SLC35F3: variants seen among roughly 807,000 people sequenced by gnomAD.
The protein encoded by SLC35F3 is putative thiamine transporter SLC35F3.
SLC35F3 carries 25 observed loss-of-function variants against 49.9 expected under a neutral mutation model. The observed-to-expected ratio is 0.50, with a 90% CI of 0.37 to 0.70. The LOEUF is 0.70. SLC35F3 is among the 30% of genes least tolerant of loss of function. The pLI is 0.00. For missense variants in SLC35F3, 525 were observed against 639.8 expected (o/e 0.82, Z 1.94); for synonymous variants, 275 against 265.4 (o/e 1.04, Z -0.35).
chr1:233,917,406 A>G (rs1661990523), intron 2 of SLC35F3, among the ~76,000 whole-genome samples: 1 of 152,030 alleles, frequency 6.6e-6, no homozygotes, highest in South Asian at 2.1e-4. Context: ...CAGAGTTCTA[A>G]TTTGTTCATT....
intron 3 of SLC35F3, among the ~76,000 whole-genome samples, chr1:234,290,874 T>G (rs541189439): frequency 6.6e-6 from 1 of 152,080 alleles, no homozygotes; most frequent in Admixed American, 6.5e-5. Context: ...ATAACTCACC[T>G]TTTTTTTCCT....
intron 2 of SLC35F3, among the ~76,000 whole-genome samples, chr1:234,037,618 T>G (rs1664162906): frequency 1.3e-5 from 2 of 152,122 alleles, no homozygotes; most frequent in African/African-American, 4.8e-5. Flanking sequence ...GAACGTCAGG[T>G]AGGTATGGAA....
chr1:234,021,491 A>C (rs1445148009), intron 2 of SLC35F3, among the ~76,000 whole-genome samples: 1 of 152,208 alleles, frequency 6.6e-6, no homozygotes. Flanking sequence ...TTAAATGATT[A>C]CTCATTGCTT....
chr1:233,993,853 C>A (rs980065659), intron 2 of SLC35F3, among the ~76,000 whole-genome samples: 1 of 152,176 alleles, frequency 6.6e-6, no homozygotes, highest in African/African-American at 2.4e-5. Flanking sequence ...AAACCATGGT[C>A]CCTAATTGTA....
intron 2 of SLC35F3, among the ~76,000 whole-genome samples, chr1:234,196,031 G>T (rs1339858813): frequency 6.6e-6 from 1 of 152,058 alleles, no homozygotes; most frequent in African/African-American, 2.4e-5. Flanking sequence ...GTTTTTATCA[G>T]CAGTGTGGAA....
intron 7 of SLC35F3, among the ~76,000 whole-genome samples, chr1:234,322,389 T>G (rs1247986698): frequency 1.3e-5 from 2 of 152,162 alleles, no homozygotes; most frequent in Admixed American, 6.5e-5. Flanking sequence ...GTGTTATGTA[T>G]TGTACTCTTA....
intron 3 of SLC35F3, among the ~76,000 whole-genome samples, chr1:234,297,975 AAC>A (rs752526234): frequency 1.3e-5 from 2 of 152,128 alleles, no homozygotes; most frequent in Non-Finnish European, 2.9e-5. Flanking sequence ...AAGTGTTCTT[AAC>A]ACACACACAA....
chr1:234,215,581 G>C (rs1415642478), intron 2 of SLC35F3, among the ~76,000 whole-genome samples: 1 of 152,194 alleles, frequency 6.6e-6, no homozygotes, highest in African/African-American at 2.4e-5. Flanking sequence ...GTGAATGAGG[G>C]GCAGCCATGG....
chr1:234,197,149 T>C (rs1572090845), intron 2 of SLC35F3, among the ~76,000 whole-genome samples: 1 of 152,248 alleles, frequency 6.6e-6, no homozygotes, highest in East Asian at 1.9e-4. Flanking sequence ...AAGGGGAAGT[T>C]GATCCATGTG....
chr1:234,188,588 C>A (rs562611614), intron 2 of SLC35F3, among the ~76,000 whole-genome samples: 4 of 152,218 alleles, frequency 2.6e-5, no homozygotes, highest in African/African-American at 9.6e-5. Flanking sequence ...TAGCCGTGCC[C>A]CCACCTGATG....
intron 2 of SLC35F3, among the ~76,000 whole-genome samples, chr1:233,993,021 T>C (rs1366959085): frequency 6.6e-6 from 1 of 152,204 alleles, no homozygotes; most frequent in Non-Finnish European, 1.5e-5. Context: ...GTACTTGAAA[T>C]GCCCGTGCCT....
intron 3 of SLC35F3, among the ~76,000 whole-genome samples, chr1:234,241,784 T>G (rs1010159253): frequency 2.0e-5 from 3 of 148,054 alleles, no homozygotes; most frequent in African/African-American, 5.0e-5. Context: ...GTTTACACGG[T>G]GGGCTACAAG....
At chr1:234,288,077 G>C (rs1350669591) in intron 3 of SLC35F3, among the ~76,000 whole-genome samples, 1 of 151,684 alleles carries the variant, frequency 6.6e-6, no homozygotes, top group Non-Finnish European at 1.5e-5. Flanking sequence ...GTGGAGACTG[G>C]GGTCTCGCTA....
At chr1:234,217,935 G>C (rs903436553) in intron 2 of SLC35F3, among the ~76,000 whole-genome samples, 2 of 152,166 alleles carry the variant, frequency 1.3e-5, no homozygotes, top group African/African-American at 4.8e-5. Context: ...GAGGCTGGGG[G>C]GATATGAGAA....
chr1:234,144,636 T>G (rs1665970505), intron 2 of SLC35F3, among the ~76,000 whole-genome samples: 1 of 152,210 alleles, frequency 6.6e-6, no homozygotes, highest in Non-Finnish European at 1.5e-5. Context: ...TTGTAGCAGT[T>G]AAACAGATTT....
At chr1:234,287,233 G>T (rs1022449569) in intron 3 of SLC35F3, among the ~76,000 whole-genome samples, 2 of 151,956 alleles carry the variant, frequency 1.3e-5, no homozygotes, top group South Asian at 4.2e-4. Context: ...AGCAACTAAT[G>T]TTAATTATAC....
chr1:233,931,495 C>T (rs1213819154), intron 2 of SLC35F3, among the ~76,000 whole-genome samples: 4 of 152,084 alleles, frequency 2.6e-5, no homozygotes, highest in Admixed American at 6.5e-5. Context: ...GGTTATGAAC[C>T]GACGCTTCTC....
At chr1:233,959,846 G>C (rs771217777) in intron 2 of SLC35F3, among the ~76,000 whole-genome samples, 1 of 152,108 alleles carries the variant, frequency 6.6e-6, no homozygotes, top group Non-Finnish European at 1.5e-5. Flanking sequence ...TCAATGTCTG[G>C]ATCCACCCCC....
At chr1:234,233,118 C>A (rs1460217053) in intron 3 of SLC35F3, among the ~76,000 whole-genome samples, 1 of 152,150 alleles carries the variant, frequency 6.6e-6, no homozygotes, top group Non-Finnish European at 1.5e-5. Context: ...ACTTAATGCA[C>A]CCTCTTCTGA....
Sources: allele counts gnomAD v4.1 joint callset (sites outside exome capture counted in the v4.1 genomes callset), GRCh38; gene constraint gnomAD v4.1.1; transcripts MANE v1.5; gene names NCBI Gene and HGNC (gene_info 2026-07-23, HGNC 2026-07-21).